Variants in ZNF646 observed in about 807,000 individuals in gnomAD.
ZNF646 encodes zinc finger protein 646.
In ZNF646, 49 loss-of-function variants were observed where a neutral mutation model predicts 115.4. That is an observed-to-expected ratio of 0.42 (90% CI 0.34 to 0.54). ZNF646 has a LOEUF of 0.54. Ranked by LOEUF, ZNF646 falls within the 20% of genes least tolerant of loss-of-function variation. The pLI is 0.04. For missense variants in ZNF646, 2,269 were observed against 2,457.9 expected, an observed-to-expected ratio of 0.92 and a Z score of 1.62; for synonymous variants, 933 against 939.0, an observed-to-expected ratio of 0.99 and a Z score of 0.12.
Position 31,078,353 on chromosome 16 carries a change from C to T in ZNF646, c.2029C>T (p.Arg677Trp), listed in dbSNP as rs201235047. The T allele has an allele frequency of 6.0e-5, 96 of 1,612,904 alleles. No individual in the cohort carries two copies. Among genetic ancestry groups the T allele is most frequent in the Non-Finnish European group, 7.6e-5 (90 of 1,179,728 alleles). Residue 677 changes from arginine (R) to tryptophan (W), a missense_variant, in exon 2 of 3, where the codon CGG (arginine) becomes TGG (tryptophan). Transcript: ENST00000300850. The stretch of plus-strand genomic sequence containing the variant: ...GCGGCGGAGCAGGCGGCATCGGAAG[C>T]GGGCTGGCGGTGCCAGCGGTGGGAG... The part of the protein sequence containing the change: ...SRRRSRRHRK[R>W]AGGASGGREA...
intron 2 of ZNF646, chr16:31,082,403 AC>A (rs1816968878): frequency 5.7e-6 from 1 of 175,912 alleles, no homozygotes; most frequent in African/African-American, 2.4e-5. Context: ...CTACCTGCGC[AC>A]CCTGCCACCC....
Position 31,080,760 on chromosome 16 carries a change from T to C in ZNF646, c.4436T>C (p.Val1479Ala), listed in dbSNP as rs781247329. 1.2e-6 allele frequency: 2 copies of C among 1,613,756 alleles called. No homozygotes were observed. The highest frequency in any genetic ancestry group is 1.7e-6 in the Non-Finnish European group (2 of 1,179,888). Residue 1479 changes from valine to alanine, a missense_variant, in exon 2 of 3, where the codon GTT (valine) becomes GCT (alanine). Val to Ala is a moderately conservative substitution (Grantham distance 64, BLOSUM62 0). Around this residue, in one of 5 missense-constraint regions of ZNF646, gnomAD observed 1,062 missense variants for 1,172.8 expected, o/e 0.91. Coordinates refer to ENST00000300850, the MANE Select transcript of ZNF646 (RefSeq NM_014699.4). ...GGLGNHSGGW[V>A]PQFLTRSEEP... ...CTGGGGAATCATAGTGGAGGCTGGGTTCCTCAGTTCCTAACTAGGTCAGAG... is the reference window on the plus strand; with the variant it reads ...CTGGGGAATCATAGTGGAGGCTGGGCTCCTCAGTTCCTAACTAGGTCAGAG...
rs200722390 is a variant in ZNF646 at position 31,083,099 on chromosome 16, A to G, written c.*7A>G. 323 of 1,602,996 alleles carry G rather than the reference A, an allele frequency of 2.0e-4. No homozygotes were observed. The highest frequency in any genetic ancestry group is 2.7e-4 in the Non-Finnish European group (314 of 1,175,754). On this transcript the variant is annotated 3_prime_UTR_variant, in exon 3 of 3. Coordinates refer to ENST00000300850, the MANE Select transcript of ZNF646 (RefSeq NM_014699.4). ...CCTCAGCTTCTCCCTCTGAACTTCAAGTCTCCAAAGATCAGAATCTGGGGG... is the reference window on the plus strand; with the variant it reads ...CCTCAGCTTCTCCCTCTGAACTTCAGGTCTCCAAAGATCAGAATCTGGGGG...
In ZNF646 at chr16:31,076,341, C is replaced by T; in HGVS notation, c.17C>T (p.Pro6Leu). Residue 6 changes from proline (P) to leucine (L), a missense_variant, in exon 2 of 3, where the codon CCC (proline) becomes CTC (leucine). This residue lies in a region of ZNF646 where 334 missense variants were observed against 323.5 expected (regional missense o/e 1.03). Coordinates refer to ENST00000300850, the MANE Select transcript of ZNF646 (RefSeq NM_014699.4). Reference protein sequence around the residue: MEDTPPSLSCSDCQRH... With the variant: MEDTPLSLSCSDCQRH... ...CGTTGCCCCATGGAGGACACACCCC[C>T]CTCACTCAGCTGCTCCGACTGTCAG... The T allele has an allele frequency of 1.2e-6, 2 of 1,611,532 alleles. No individual in the cohort carries two copies. Among genetic ancestry groups the T allele is most frequent in the Non-Finnish European group, 1.7e-6 (2 of 1,178,342 alleles).
chr16:31,083,784 C>A lies in ZNF646; in HGVS notation c.*692C>A, dbSNP rs754250106. The A allele has an allele frequency of 1.9e-6, 3 of 1,613,948 alleles. No homozygotes were observed. Among genetic ancestry groups the A allele is most frequent in the Non-Finnish European group, 2.5e-6 (3 of 1,179,974 alleles). On this transcript the variant is annotated 3_prime_UTR_variant, in exon 3 of 3. Coordinates refer to ENST00000300850, the MANE Select transcript of ZNF646 (RefSeq NM_014699.4). Reference sequence around the variant, plus strand: ...TCTCTTGTCCTGAGAATGGCCAGGTCCCCTGTCAGCAGCTGGTTGGTTGGC... The same window carrying A: ...TCTCTTGTCCTGAGAATGGCCAGGTACCCTGTCAGCAGCTGGTTGGTTGGC...
Position 31,076,787 on chromosome 16 carries a change from G to T in ZNF646, c.463G>T (p.Asp155Tyr). Residue 155 changes from aspartate to tyrosine, a missense_variant, in exon 2 of 3, where the codon GAC becomes TAC. Transcript: ENST00000300850. ...EETPDCESVP[D>Y]PRAASGTWED... Reference sequence around the variant, plus strand: ...GACACCTGACTGTGAATCTGTACCTGACCCCAGGGCAGCTTCGGGTACGTG... The same window carrying T: ...GACACCTGACTGTGAATCTGTACCTTACCCCAGGGCAGCTTCGGGTACGTG... 1 of 1,613,942 alleles carries T rather than the reference G, an allele frequency of 6.2e-7. No individual in the cohort carries two copies. The highest frequency in any genetic ancestry group is 1.1e-5 in the South Asian group (1 of 91,078).
chr16:31,077,931 A>T lies in ZNF646; in HGVS notation c.1607A>T (p.Glu536Val). ...AEGAPSHLKV[E>V]LPPDPVEAEA... ...GGTGCCCCCAGCCACCTCAAGGTAGAACTCCCGCCTGACCCAGTGGAGGCA... is the reference window on the plus strand; with the variant it reads ...GGTGCCCCCAGCCACCTCAAGGTAGTACTCCCGCCTGACCCAGTGGAGGCA... Residue 536 changes from glutamate to valine, a missense_variant, in exon 2 of 3, where the codon GAA becomes GTA. This residue lies in a region of ZNF646 where 852 missense variants were observed against 900.2 expected (regional missense o/e 0.95). Transcript: ENST00000300850. The T allele has an allele frequency of 6.2e-7, 1 of 1,613,866 alleles. No individual in the cohort carries two copies. Among genetic ancestry groups the T allele is most frequent in the Non-Finnish European group, 8.5e-7 (1 of 1,180,030 alleles).
At position 31,079,129 on chromosome 16, in the gene ZNF646, C is replaced by T; in HGVS notation, c.2805C>T (p.Leu935=). Residue 935 remains leucine (L), a synonymous_variant, in exon 2 of 3, where the codon CTC becomes CTT. Transcript: ENST00000300850. This position sits in a 1 kb window ranked among gnomAD's most constrained non-coding sequence, Gnocchi z 5.5. The part of the protein sequence containing the change: ...AAPARSPPLQ[L]SEAELLNQLQ... Reference sequence around the variant, plus strand: ...CTGCACGCAGTCCACCACTGCAGCTCTCGGAAGCAGAGCTGCTGAATCAGC... The same window carrying T: ...CTGCACGCAGTCCACCACTGCAGCTTTCGGAAGCAGAGCTGCTGAATCAGC... 6.2e-7 allele frequency: 1 copy of T among 1,602,812 alleles called. No homozygotes were observed. The highest frequency in any genetic ancestry group is 8.5e-7 in the Non-Finnish European group (1 of 1,173,324).
In ZNF646 at chr16:31,083,486, C is replaced by A; in HGVS notation, c.*394C>A. On this transcript the variant is annotated 3_prime_UTR_variant, in exon 3 of 3. Transcript: ENST00000300850. ...GTTTAAAAAAAGGAAAACTGCTGCCCCCCAAAAAAAGAAATTTTCAAAACA... is the reference window on the plus strand; with the variant it reads ...GTTTAAAAAAAGGAAAACTGCTGCCACCCAAAAAAAGAAATTTTCAAAACA... 7.5e-7 allele frequency: 1 copy of A among 1,324,946 alleles called. No homozygotes were observed. Among genetic ancestry groups the A allele is most frequent in the South Asian group, 2.1e-5 (1 of 47,540 alleles). 82.1% of individuals were successfully genotyped at this position (1,324,946 alleles called of 1,614,324 possible). A position where few individuals can be genotyped will look rare whatever the true frequency, so the allele number is the denominator to read the frequency against.
In ZNF646 at chr16:31,083,038, C is replaced by T. The variant is rs759590617; in HGVS notation, c.5445C>T (p.Thr1815=). The T allele has an allele frequency of 1.9e-6, 3 of 1,600,756 alleles. No homozygotes were observed. The South Asian group carries it at 3.3e-5, about 18-fold the overall frequency. The change falls in exon 3 of 3, where the codon ACC becomes ACT. Residue 1815 remains threonine, a synonymous_variant. Transcript: ENST00000300850. The stretch of plus-strand genomic sequence containing the variant: ...TGCCCCCTCCACCCACCCCCACGAC[C>T]CCACTCCTGGATCCTTCACCCCAGT... ...LPLPPPPTPT[T]PLLDPSPQWP... is the part of the protein sequence containing the mutation.
chr16:31,076,675 C>T lies in ZNF646; in HGVS notation c.351C>T (p.Leu117=). 1.9e-6 allele frequency: 3 copies of T among 1,613,354 alleles called. No homozygotes were observed. Among genetic ancestry groups the T allele is most frequent in the Non-Finnish European group, 2.5e-6 (3 of 1,179,828 alleles). The change falls in exon 2 of 3, where the codon CTC becomes CTT. Residue 117 remains leucine (L), a synonymous_variant. Coordinates refer to ENST00000300850, the MANE Select transcript of ZNF646 (RefSeq NM_014699.4). ...PPRPKEATPH[L]QGETVSTDSW... is the part of the protein sequence containing the mutation. ...GCCCCAAGGAAGCCACTCCACACCT[C>T]CAGGGTGAGACGGTGTCCACTGACT...
Position 31,078,567 on chromosome 16 carries a change from T to A in ZNF646, c.2243T>A (p.Phe748Tyr). Residue 748 changes from phenylalanine (F) to tyrosine (Y), a missense_variant, in exon 2 of 3, where the codon TTC (phenylalanine) becomes TAC (tyrosine). Transcript: ENST00000300850. ...GGGCTTGAGAGGGATGAGACCCATT[T>A]CCAGGGTGATAAAGAGAGCGGAGGC... ...KCGLERDETH[F>Y]QGDKESGGTG... The A allele has an allele frequency of 6.2e-7, 1 of 1,606,996 alleles. No homozygotes were observed. Among genetic ancestry groups the A allele is most frequent in the Non-Finnish European group, 8.5e-7 (1 of 1,174,802 alleles).
upstream of ZNF646, chr16:31,072,888 C>T (rs1278673707): frequency 1.3e-5 from 2 of 152,312 alleles, no homozygotes; most frequent in South Asian, 2.1e-4. Flanking sequence ...CCCTTTACAT[C>T]CTTCAAGAAC....
In ZNF646 at chr16:31,081,084, G is replaced by T. The variant is rs778119724; in HGVS notation, c.4760G>T (p.Cys1587Phe). ...CACATAGACGCCCAGACCTTTGCCT[G>T]TCCTGACTGTGGCAAAGCCTTTGAG... is the stretch of plus-strand genomic sequence containing the variant. ...HNHIDAQTFA[C>F]PDCGKAFESH... Residue 1587 changes from cysteine to phenylalanine, a missense_variant, in exon 2 of 3, where the codon TGT becomes TTT. By Grantham distance (205) the Cys-to-Phe change is radical. This residue lies in a region of ZNF646 where 1,062 missense variants were observed against 1,172.8 expected (regional missense o/e 0.91). Coordinates refer to ENST00000300850, the MANE Select transcript of ZNF646 (RefSeq NM_014699.4). 5.0e-6 allele frequency: 8 copies of T among 1,613,644 alleles called. No individual in the cohort carries two copies. The highest frequency in any genetic ancestry group is 5.9e-6 in the Non-Finnish European group (7 of 1,179,974).
rs781337522 is a variant in ZNF646 at position 31,081,342 on chromosome 16, A to C, written c.5018A>C (p.Lys1673Thr). The change falls in exon 2 of 3, where the codon AAG becomes ACG. Residue 1673 changes from lysine to threonine, a missense_variant. Physicochemically the swap from Lys to Thr is moderately conservative, Grantham distance 78 (BLOSUM62 -1). This residue lies in a region of ZNF646 where 1,062 missense variants were observed against 1,172.8 expected (regional missense o/e 0.91). Transcript: ENST00000300850. ...QAVTSMAAED[K>T]ERPFRCTQCG... ...GTGACGTCCATGGCGGCTGAGGACA[A>C]GGAGCGGCCCTTCCGCTGCACCCAG... is the stretch of plus-strand genomic sequence containing the variant. The C allele has an allele frequency of 1.9e-6, 3 of 1,613,998 alleles. No homozygotes were observed. The highest frequency in any genetic ancestry group is 2.5e-6 in the Non-Finnish European group (3 of 1,179,920).
Position 31,078,411 on chromosome 16 carries a change from C to T in ZNF646, c.2087C>T (p.Thr696Ile), listed in dbSNP as rs199995651. The change falls in exon 2 of 3, where the codon ACC (threonine) becomes ATC (isoleucine). Residue 696 changes from threonine to isoleucine, a missense_variant. Physicochemically the swap from Thr to Ile is moderately conservative, Grantham distance 89. Coordinates refer to ENST00000300850, the MANE Select transcript of ZNF646 (RefSeq NM_014699.4). ...EAKLLAAESW[T>I]RELEDNEGLE... Reference sequence around the variant, plus strand: ...AAACTCCTGGCAGCGGAGAGCTGGACCCGGGAGCTAGAAGACAATGAAGGC... The same window carrying T: ...AAACTCCTGGCAGCGGAGAGCTGGATCCGGGAGCTAGAAGACAATGAAGGC... 1.9e-6 allele frequency: 3 copies of T among 1,609,168 alleles called. No individual in the cohort carries two copies. In the African/African-American group the frequency reaches 4.0e-5, roughly 22 times the overall value.
At chr16:31,074,867 G>C (rs1245557162) in intron 1 of ZNF646, 1 of 152,314 alleles carries the variant, frequency 6.6e-6, no homozygotes, top group Non-Finnish European at 1.5e-5. Flanking sequence ...GTTTACGGTC[G>C]GAGACAGTTG....
chr16:31,079,970 G>A lies in ZNF646; in HGVS notation c.3646G>A (p.Gly1216Ser), dbSNP rs750851216. The A allele has an allele frequency of 6.8e-6, 11 of 1,609,220 alleles. No homozygotes were observed. In the East Asian group the frequency reaches 1.1e-4, roughly 16 times the overall value. Residue 1216 changes from glycine (G) to serine (S), a missense_variant, in exon 2 of 3, where the codon GGC becomes AGC. By Grantham distance (56) the Gly-to-Ser change is moderately conservative. Around this residue, in one of 5 missense-constraint regions of ZNF646, gnomAD observed 1,062 missense variants for 1,172.8 expected, o/e 0.91. Transcript: ENST00000300850. This position sits in a 1 kb window ranked among gnomAD's most constrained non-coding sequence, Gnocchi z 5.5. ...EVCGRSYKHAGSLINHRQSHQ... is the reference protein window; with the variant it reads ...EVCGRSYKHASSLINHRQSHQ... Reference sequence around the variant, plus strand: ...GTGTGGCCGATCCTACAAGCACGCCGGCAGCCTCATCAACCACCGGCAGAG... The same window carrying A: ...GTGTGGCCGATCCTACAAGCACGCCAGCAGCCTCATCAACCACCGGCAGAG...
chr16:31,080,093 C>T lies in ZNF646; in HGVS notation c.3769C>T (p.Arg1257Cys), dbSNP rs201532882. Residue 1257 changes from arginine (R) to cysteine (C), a missense_variant, in exon 2 of 3, where the codon CGT becomes TGT. Arg to Cys is a radical substitution (Grantham distance 180). Around this residue, in one of 5 missense-constraint regions of ZNF646, gnomAD observed 1,062 missense variants for 1,172.8 expected, o/e 0.91. Coordinates refer to ENST00000300850, the MANE Select transcript of ZNF646 (RefSeq NM_014699.4). Reference sequence around the variant, plus strand: ...CCGGCGCATCCATGCAGATCCCCGACGTTTCCGCTGCAGCGAGTGTGGGAA... The same window carrying T: ...CCGGCGCATCCATGCAGATCCCCGATGTTTCCGCTGCAGCGAGTGTGGGAA... Reference protein sequence around the residue: ...NHRRIHADPRRFRCSECGKAF... With the variant: ...NHRRIHADPRCFRCSECGKAF... 39 of 1,613,112 alleles carry T rather than the reference C, an allele frequency of 2.4e-5. No homozygotes were observed. Among genetic ancestry groups the T allele is most frequent in the South Asian group, 2.2e-5 (2 of 91,058 alleles).
Sources: gnomAD v4.1 joint callset for allele counts on GRCh38, gnomAD v4.1.1 for gene constraint, gnomAD v4.1.1 regional missense constraint, Gnocchi (gnomAD v3.1) non-coding constraint, MANE v1.5 for transcripts, NCBI Gene and HGNC (gene_info 2026-07-23, HGNC 2026-07-21) for gene names.